Variants in RBMS3 observed in about 807,000 individuals in gnomAD.
The protein encoded by RBMS3 is RNA-binding motif, single-stranded-interacting protein 3.
RBMS3 carries 27 observed loss-of-function variants against 66.8 expected under a neutral mutation model. The ratio of observed to expected loss-of-function variants is 0.40; its 90% CI spans 0.30 to 0.56. The LOEUF is 0.56. Ranked by LOEUF, RBMS3 falls within the 20% of genes least tolerant of loss-of-function variation. RBMS3 has a pLI of 0.40. For synonymous variants in RBMS3, 188 were observed against 183.0 expected (o/e 1.03, Z -0.22); for missense variants, 513 against 549.5 (o/e 0.93, Z 0.66).
chr3:29,548,461 C>T (rs925211561), intron 3 of RBMS3, among the ~76,000 whole-genome samples: 2 of 150,168 alleles, frequency 1.3e-5, no homozygotes, highest in Non-Finnish European at 3.0e-5. Context: ...AAAAACAAAA[C>T]GACGTTAATG....
intron 1 of RBMS3, among the ~76,000 whole-genome samples, chr3:29,378,488 A>T (rs74795981): frequency 2.0e-3 from 53 of 27,064 alleles, no homozygotes; most frequent in African/African-American, 3.7e-3. Flanking sequence ...ATAAAACATT[A>T]AAAAAAAAAA....
chr3:29,425,852 G>A, intron 1 of RBMS3, among the ~76,000 whole-genome samples: 1 of 152,132 alleles, frequency 6.6e-6, no homozygotes, highest in East Asian at 1.9e-4. Flanking sequence ...CCTGTTCTGG[G>A]TTTTCCCTCA....
intron 6 of RBMS3, chr3:29,766,142 G>A (rs968202910): frequency 4.0e-5 from 6 of 151,866 alleles, no homozygotes; most frequent in Non-Finnish European, 7.4e-5. Flanking sequence ...ATATTCATAC[G>A]GTCTACGTCT....
intron 1 of RBMS3, among the ~76,000 whole-genome samples, chr3:29,288,403 C>G (rs559717891): frequency 5.1e-4 from 77 of 152,114 alleles, no homozygotes; most frequent in African/African-American, 1.8e-3. Flanking sequence ...ACGTCCATCA[C>G]TTGGGAGTGG....
At chr3:29,966,767 T>G (rs763945295) in intron 12 of RBMS3, among the ~76,000 whole-genome samples, 5 of 152,176 alleles carry the variant, frequency 3.3e-5, no homozygotes, top group Non-Finnish European at 5.9e-5. Context: ...CTTGTCTTGT[T>G]CCAGTTCTCA....
intron 4 of RBMS3, among the ~76,000 whole-genome samples, chr3:29,704,919 G>A (rs966636904): frequency 2.6e-5 from 4 of 152,194 alleles, no homozygotes; most frequent in African/African-American, 9.6e-5. Flanking sequence ...TGCTTGGCAA[G>A]GGGTTAGTTC....
Position 29,806,162 on chromosome 3 carries a change from C to T in RBMS3, c.637+43173C>T, listed in dbSNP as rs923025562. Among the ~76,000 whole-genome samples, 14 of 151,996 alleles carry T rather than the reference C, an allele frequency of 9.2e-5. 1 individual carries two copies. Among genetic ancestry groups the T allele is most frequent in the South Asian group, 8.3e-4 (4 of 4,824 alleles). On this transcript the variant is annotated intron_variant, in intron 6 of 14. Coordinates refer to ENST00000383767, the MANE Select transcript of RBMS3 (RefSeq NM_001003793.3). ...ACCATATTTCCCTTCTCAGAGAACTCGAAACCTACAGGTAAAACAAGAACC... is the reference window on the plus strand; with the variant it reads ...ACCATATTTCCCTTCTCAGAGAACTTGAAACCTACAGGTAAAACAAGAACC...
chr3:29,559,542 A>C (rs1412104031), intron 3 of RBMS3, among the ~76,000 whole-genome samples: 3 of 141,568 alleles, frequency 2.1e-5, no homozygotes, highest in East Asian at 2.2e-4. Flanking sequence ...AAAAAAAAAA[A>C]AAAAAAAAAA....
At chr3:29,563,458 G>C (rs1200333994) in intron 3 of RBMS3, among the ~76,000 whole-genome samples, 1 of 152,124 alleles carries the variant, frequency 6.6e-6, no homozygotes. Context: ...AGTGGGTAAA[G>C]ACACTGTAGA....
chr3:30,001,038 T>TAA (rs10640996), intron 14 of RBMS3, among the ~76,000 whole-genome samples: 35,266 of 151,466 alleles, frequency 0.23, 4,243 homozygotes, highest in East Asian at 0.35. Context: ...TAAAGTATAA[T>TAA]AAAAAAAAGA....
intron 1 of RBMS3, among the ~76,000 whole-genome samples, chr3:29,294,897 C>G (rs1409516090): frequency 1.3e-5 from 2 of 151,662 alleles, no homozygotes; most frequent in African/African-American, 4.8e-5. Flanking sequence ...CTATCCAAAG[C>G]AATACCCAGA....
At chr3:29,546,108 TTGTGTG>T (rs71091070) in intron 3 of RBMS3, among the ~76,000 whole-genome samples, 3,614 of 146,000 alleles carry the variant, frequency 0.025, 85 homozygotes, top group African/African-American at 0.058. Context: ...TGAGACGGGT[TTGTGTG>T]TGTGTGTGTG....
intron 1 of RBMS3, among the ~76,000 whole-genome samples, chr3:29,347,312 T>A (rs1405075984): frequency 6.6e-6 from 1 of 152,198 alleles, no homozygotes; most frequent in Non-Finnish European, 1.5e-5. Flanking sequence ...CACATAAATA[T>A]GTGTAGGTAA....
At chr3:29,314,101 T>C (rs1338449761) in intron 1 of RBMS3, among the ~76,000 whole-genome samples, 1 of 151,652 alleles carries the variant, frequency 6.6e-6, no homozygotes, top group Non-Finnish European at 1.5e-5. Context: ...GTCATAATGA[T>C]GATAGGCAAG....
At position 29,464,584 on chromosome 3, in the gene RBMS3, A is replaced by C. The variant is rs371202122; in HGVS notation, c.249-23857A>C. Among the ~76,000 whole-genome samples, 4 of 152,272 alleles carry C rather than the reference A, an allele frequency of 2.6e-5. No individual in the cohort carries two copies. In the East Asian group the frequency reaches 7.7e-4, roughly 29 times the overall value. ...CTTTGTCTTGAAATCTTTTTTAAAA[A>C]ATTTCTGTGGCATTTGGTATACCTT... On this transcript the variant is annotated intron_variant, in intron 2 of 14. Transcript: ENST00000383767.
intron 7 of RBMS3, among the ~76,000 whole-genome samples, chr3:29,872,893 T>C (rs2059526272): frequency 6.6e-6 from 1 of 152,184 alleles, no homozygotes; most frequent in African/African-American, 2.4e-5. Context: ...GAAGATCAAA[T>C]AGTCATAGGT....
At chr3:29,904,907 A>T (rs1180653450) in intron 10 of RBMS3, among the ~76,000 whole-genome samples, 2 of 151,986 alleles carry the variant, frequency 1.3e-5, no homozygotes, top group Middle Eastern at 3.2e-3. Context: ...TTTCTTATTT[A>T]TAAAAGATCT....
At chr3:29,859,437 A>C (rs1368880368) in intron 6 of RBMS3, among the ~76,000 whole-genome samples, 1 of 152,236 alleles carries the variant, frequency 6.6e-6, no homozygotes, top group Admixed American at 6.5e-5. Context: ...AGTTGGAGAA[A>C]GCGTTCACTT....
chr3:29,295,281 A>G (rs1388796242), intron 1 of RBMS3, among the ~76,000 whole-genome samples: 1 of 28,218 alleles, frequency 3.5e-5, no homozygotes, highest in Admixed American at 3.1e-4. Flanking sequence ...AATTATATAT[A>G]TATATATATA....
Sources: allele counts gnomAD v4.1 joint callset (sites outside exome capture counted in the v4.1 genomes callset), GRCh38; gene constraint gnomAD v4.1.1; transcripts MANE v1.5; gene names NCBI Gene and HGNC (gene_info 2026-07-23, HGNC 2026-07-21).